The following ZFAND3 variants were observed in gnomAD, a reference collection of about 807,000 sequenced individuals.
The protein encoded by ZFAND3 is AN1-type zinc finger protein 3.
Under a neutral mutation model 29.6 loss-of-function variants are expected in ZFAND3, and 10 were observed. That is an observed-to-expected ratio of 0.34 (90% confidence interval 0.21 to 0.57). ZFAND3 has a LOEUF of 0.57. Among genes scored for constraint, ZFAND3 ranks in the 20% least tolerant of loss-of-function variants. The pLI is 0.86. For synonymous variants in ZFAND3, 128 were observed against 112.6 expected (o/e 1.14, Z -0.87); for missense variants, 230 against 304.5 (o/e 0.76, Z 1.82).
chr6:37,856,807 C>T (rs892714445), intron 1 of ZFAND3, among the ~76,000 whole-genome samples: 14 of 151,712 alleles, frequency 9.2e-5, no homozygotes, highest in South Asian at 4.2e-4. Flanking sequence ...TATAATTGTC[C>T]GTTTGGTTTT....
intron 3 of ZFAND3, among the ~76,000 whole-genome samples, chr6:38,077,443 TTAAG>T (rs764908450): frequency 9.1e-4 from 116 of 126,782 alleles, no homozygotes; most frequent in Middle Eastern, 3.9e-3. Context: ...AAATGTCATG[TTAAG>T]TAAGAAAATT....
At chr6:38,072,461 T>A (rs1054963804) in intron 3 of ZFAND3, among the ~76,000 whole-genome samples, 4 of 152,180 alleles carry the variant, frequency 2.6e-5, no homozygotes, top group African/African-American at 9.7e-5. Flanking sequence ...TTTCTTTAAA[T>A]GTTCGTATTA....
At chr6:37,832,255 G>A (rs530685085) in intron 1 of ZFAND3, among the ~76,000 whole-genome samples, 1 of 152,292 alleles carries the variant, frequency 6.6e-6, no homozygotes, top group Admixed American at 6.5e-5. Context: ...TAAGAGCAGC[G>A]ACAGATTGGA....
chr6:37,996,867 C>T (rs1246898147), intron 2 of ZFAND3, among the ~76,000 whole-genome samples: 1 of 151,990 alleles, frequency 6.6e-6, no homozygotes, highest in African/African-American at 2.4e-5. Flanking sequence ...TACCATTGAC[C>T]TAATTTATTC....
intron 4 of ZFAND3, among the ~76,000 whole-genome samples, chr6:38,093,039 TATAAGCTAC>T (rs1270672075): frequency 6.6e-6 from 1 of 152,234 alleles, no homozygotes; most frequent in African/African-American, 2.4e-5. Context: ...ATCCCAGTAG[TATAAGCTAC>T]ATAAACTAAG....
chr6:37,830,102 GT>G (rs1199903031), intron 1 of ZFAND3, among the ~76,000 whole-genome samples: 4 of 152,204 alleles, frequency 2.6e-5, no homozygotes, highest in Non-Finnish European at 4.4e-5. Flanking sequence ...CATTGTGTGT[GT>G]TTTTGGTTGG....
intron 2 of ZFAND3, among the ~76,000 whole-genome samples, chr6:37,983,067 T>A (rs1310078766): frequency 6.6e-6 from 1 of 152,202 alleles, no homozygotes. Flanking sequence ...AGCTGTACAT[T>A]GTGTTTGTGT....
At chr6:37,928,059 T>C (rs955643610) in intron 1 of ZFAND3, among the ~76,000 whole-genome samples, 21 of 152,234 alleles carry the variant, frequency 1.4e-4, no homozygotes, top group African/African-American at 4.8e-4. Flanking sequence ...ACTCATCTTA[T>C]TCACTTGTTG....
intron 4 of ZFAND3, among the ~76,000 whole-genome samples, chr6:38,097,543 A>C (rs144331195): frequency 6.6e-6 from 1 of 152,212 alleles, no homozygotes; most frequent in South Asian, 2.1e-4. Context: ...GAATTCGACT[A>C]TAAGGGACCA....
intron 1 of ZFAND3, among the ~76,000 whole-genome samples, chr6:37,842,469 A>G (rs1764096475): frequency 1.3e-5 from 2 of 152,178 alleles, no homozygotes; most frequent in Non-Finnish European, 2.9e-5. Context: ...GATATTTATC[A>G]GTGTTGTATG....
chr6:38,004,545 A>G (rs1581831694), intron 2 of ZFAND3, among the ~76,000 whole-genome samples: 3 of 151,162 alleles, frequency 2.0e-5, no homozygotes, highest in African/African-American at 7.3e-5. Context: ...ACACACACAC[A>G]CACACACACA....
At chr6:38,056,958 C>T (rs994751077) in intron 2 of ZFAND3, among the ~76,000 whole-genome samples, 2 of 152,158 alleles carry the variant, frequency 1.3e-5, no homozygotes, top group African/African-American at 4.8e-5. Context: ...TTTGGAAAAG[C>T]TTTATTCACA....
intron 3 of ZFAND3, among the ~76,000 whole-genome samples, 180 bp downstream of exon 3, chr6:38,061,955 C>G (rs1014090457): frequency 6.6e-6 from 1 of 152,216 alleles, no homozygotes; most frequent in Admixed American, 6.5e-5. Flanking sequence ...GAAGAAATAG[C>G]CTTTTATACC....
At chr6:38,051,160 C>T (rs1402286269) in intron 2 of ZFAND3, among the ~76,000 whole-genome samples, 1 of 152,042 alleles carries the variant, frequency 6.6e-6, no homozygotes, top group Admixed American at 6.6e-5. Context: ...TACCCAGTCC[C>T]ACCACCTAGG....
chr6:38,093,130 CT>C (rs1295593351), intron 4 of ZFAND3, among the ~76,000 whole-genome samples: 1 of 152,158 alleles, frequency 6.6e-6, no homozygotes, highest in Non-Finnish European at 1.5e-5. Flanking sequence ...TAGGTTTTTC[CT>C]TTTGCATATA....
intron 1 of ZFAND3, 71 bp downstream of exon 1, chr6:37,820,087 C>T (rs1561899686): frequency 3.5e-6 from 4 of 1,135,112 alleles, no homozygotes; most frequent in Admixed American, 9.4e-5. Context: ...CCTGGGCAGG[C>T]CTCGGGGCCC....
intron 2 of ZFAND3, among the ~76,000 whole-genome samples, chr6:38,046,754 GAT>G (rs1290110973): frequency 1.3e-5 from 2 of 152,186 alleles, no homozygotes; most frequent in Non-Finnish European, 2.9e-5. Context: ...TAGATTATCT[GAT>G]ATTTTATAAA....
At chr6:38,097,513 G>C (rs1765006993) in intron 4 of ZFAND3, among the ~76,000 whole-genome samples, 2 of 151,474 alleles carry the variant, frequency 1.3e-5, no homozygotes, top group Non-Finnish European at 2.9e-5. Flanking sequence ...CCTGCTGTTA[G>C]GCTTTCAAAT....
At chr6:37,896,558 C>CTTTCTT (rs1554153856) in intron 1 of ZFAND3, among the ~76,000 whole-genome samples, 1 of 138,326 alleles carries the variant, frequency 7.2e-6, no homozygotes, top group South Asian at 2.3e-4. Flanking sequence ...TTCTTTCTTT[C>CTTTCTT]TTTCTTTCTT....
Sources: allele counts gnomAD v4.1 joint callset (sites outside exome capture counted in the v4.1 genomes callset), GRCh38; gene constraint gnomAD v4.1.1; transcripts MANE v1.5; gene names NCBI Gene and HGNC (gene_info 2026-07-23, HGNC 2026-07-21).